The following TAFA1 variants were observed in gnomAD, a reference collection of about 807,000 sequenced individuals.
The protein encoded by TAFA1 is TAFA chemokine like family member 1, also known as chemokine-like protein TAFA-1.
In TAFA1, 4 loss-of-function variants were observed where a neutral mutation model predicts 18.5. The ratio of observed to expected loss-of-function variants is 0.22; its 90% CI spans 0.11 to 0.49. TAFA1 has a LOEUF of 0.49. Among genes scored for constraint, TAFA1 ranks in the 20% least tolerant of loss-of-function variants. The probability of loss-of-function intolerance (pLI) is 0.98; values close to 1 mark genes in which losing one functional copy is unlikely to be tolerated. For synonymous variants in TAFA1, 56 were observed against 55.2 expected (o/e 1.01, Z -0.06); for missense variants, 147 against 169.0 (o/e 0.87, Z 0.72).
chr3:68,122,861 C>T (rs2065417925), intron 2 of TAFA1, among the ~76,000 whole-genome samples: 1 of 150,620 alleles, frequency 6.6e-6, no homozygotes, highest in South Asian at 2.1e-4. Context: ...TAGATTTTTA[C>T]ATTTTCATAT....
chr3:68,014,231 G>T (rs955272769), intron 2 of TAFA1, among the ~76,000 whole-genome samples: 11 of 152,158 alleles, frequency 7.2e-5, no homozygotes, highest in African/African-American at 2.4e-4. Flanking sequence ...CAGGCAGGGG[G>T]TAAAGCACCT....
chr3:68,245,905 C>T (rs187269027), intron 2 of TAFA1, among the ~76,000 whole-genome samples: 20 of 152,280 alleles, frequency 1.3e-4, no homozygotes, highest in Non-Finnish European at 2.4e-4. Context: ...TAAAAGAGGG[C>T]TCATCTAGGA....
chr3:68,078,419 C>T (rs1007999711), intron 2 of TAFA1, among the ~76,000 whole-genome samples: 3 of 152,150 alleles, frequency 2.0e-5, no homozygotes, highest in Non-Finnish European at 4.4e-5. Flanking sequence ...CCAATTTTTG[C>T]CCATTCAGTA....
At chr3:68,183,314 G>A (rs959152861) in intron 2 of TAFA1, among the ~76,000 whole-genome samples, 4 of 152,090 alleles carry the variant, frequency 2.6e-5, no homozygotes, top group Admixed American at 1.3e-4. Context: ...TCCTCATTAT[G>A]CCCCATGATT....
At chr3:68,490,984 G>A (rs1447046796) in intron 3 of TAFA1, among the ~76,000 whole-genome samples, 2 of 151,846 alleles carry the variant, frequency 1.3e-5, no homozygotes, top group African/African-American at 2.4e-5. Context: ...AACTATGGGT[G>A]TACACTGCCA....
At chr3:67,994,670 A>G in the TAFA1 span, among the ~76,000 whole-genome samples, 2 of 152,222 alleles carry the variant, frequency 1.3e-5, no homozygotes, top group African/African-American at 2.4e-5. Flanking sequence ...GCTCTTCAGA[A>G]TCTGAAAATA....
At chr3:68,089,895 GTTCATGACTCACAGAGCTATTA>G (rs2065012123) in intron 2 of TAFA1, among the ~76,000 whole-genome samples, 2 of 152,126 alleles carry the variant, frequency 1.3e-5, no homozygotes, top group South Asian at 4.1e-4. Flanking sequence ...TTAAAAACAT[GTTCATGACTCACAGAGCTATTA>G]TACGTGTGAT....
At chr3:68,378,349 T>C (rs2069861317) in intron 2 of TAFA1, among the ~76,000 whole-genome samples, 1 of 152,214 alleles carries the variant, frequency 6.6e-6, no homozygotes, top group Admixed American at 6.5e-5. Flanking sequence ...ACTGCCCTGC[T>C]GGATTGCAGA....
At chr3:68,224,274 T>G (rs1026299978) in intron 2 of TAFA1, among the ~76,000 whole-genome samples, 2 of 152,138 alleles carry the variant, frequency 1.3e-5, no homozygotes, top group African/African-American at 4.8e-5. Flanking sequence ...GTGGGTGTCT[T>G]CCACCTCAGA....
At chr3:68,077,877 T>C (rs1386121126) in intron 2 of TAFA1, among the ~76,000 whole-genome samples, 11 of 152,176 alleles carry the variant, frequency 7.2e-5, no homozygotes, top group Non-Finnish European at 1.3e-4. Context: ...GGGGATGGCA[T>C]TGAATCTGTA....
At position 68,355,839 on chromosome 3, in the gene TAFA1, T is replaced by G. The variant is rs914547586; in HGVS notation, c.119-61441T>G. On this transcript the variant is annotated intron_variant, in intron 2 of 4. Coordinates refer to ENST00000478136, the MANE Select transcript of TAFA1 (RefSeq NM_213609.4). ...AAGGTGATGAGCAACCTGTCACTTA[T>G]GGTGTTCAGGCAAAGACTGAATGAT... Among the ~76,000 whole-genome samples, 13 of 152,116 alleles carry G rather than the reference T, an allele frequency of 8.5e-5. No homozygotes were observed. The South Asian group carries it at 1.0e-3, about 12-fold the overall frequency.
chr3:68,483,726 T>A (rs779015908), intron 3 of TAFA1, among the ~76,000 whole-genome samples: 1 of 152,148 alleles, frequency 6.6e-6, no homozygotes, highest in Non-Finnish European at 1.5e-5. Flanking sequence ...TAGGTAAACT[T>A]GTGGGAGAGA....
intron 2 of TAFA1, among the ~76,000 whole-genome samples, chr3:68,403,805 G>C (rs1328831125): frequency 1.3e-5 from 2 of 152,204 alleles, no homozygotes; most frequent in African/African-American, 4.8e-5. Flanking sequence ...CCAGCAGGAA[G>C]AGAGCCCTGG....
At chr3:68,307,595 G>A (rs2068442933) in intron 2 of TAFA1, among the ~76,000 whole-genome samples, 1 of 151,798 alleles carries the variant, frequency 6.6e-6, no homozygotes, top group African/African-American at 2.4e-5. Context: ...TTAAAGATTT[G>A]CCTCTACTTT....
intron 3 of TAFA1, among the ~76,000 whole-genome samples, chr3:68,498,722 CTTTTTTTTTTTTTTTTTTTTTT>C (rs34030223): frequency 2.1e-5 from 2 of 97,026 alleles, no homozygotes; most frequent in Admixed American, 1.1e-4. Flanking sequence ...CGTTTGGTGG[CTTTTTTTTTTTTTTTTTTTTTT>C]TTTTTTTTTT....
intron 3 of TAFA1, among the ~76,000 whole-genome samples, chr3:68,510,268 A>G (rs1239028422): frequency 6.6e-6 from 1 of 152,082 alleles, no homozygotes; most frequent in African/African-American, 2.4e-5. Context: ...ATTATACTCA[A>G]CCATAATGTC....
chr3:68,400,355 C>T (rs1231334299), intron 2 of TAFA1, among the ~76,000 whole-genome samples: 1 of 152,106 alleles, frequency 6.6e-6, no homozygotes, highest in Non-Finnish European at 1.5e-5. Context: ...TGAGATTCAC[C>T]AGTTATAAAA....
intron 2 of TAFA1, among the ~76,000 whole-genome samples, chr3:68,396,360 A>T (rs991973414): frequency 2.6e-5 from 4 of 152,200 alleles, no homozygotes; most frequent in African/African-American, 4.8e-5. Context: ...ATCCAGAAGT[A>T]TCCCTGGTGT....
intron 2 of TAFA1, among the ~76,000 whole-genome samples, chr3:68,366,121 G>A (rs552930508): frequency 1.5e-3 from 217 of 148,476 alleles, no homozygotes; most frequent in African/African-American, 5.2e-3. Context: ...ATCAGATCTC[G>A]TGAGACTTAT....
Sources: gnomAD v4.1 joint callset for allele counts (sites outside exome capture counted in the v4.1 genomes callset) on GRCh38, gnomAD v4.1.1 for gene constraint, MANE v1.5 for transcripts, NCBI Gene and HGNC (gene_info 2026-07-23, HGNC 2026-07-21) for gene names.